Variants in CDON observed in about 807,000 individuals in gnomAD.
The protein encoded by CDON is cell adhesion associated, oncogene regulated, also known as cell adhesion molecule-related/down-regulated by oncogenes.
In CDON, 73 loss-of-function variants were observed where a neutral mutation model predicts 120.9. That is an observed-to-expected ratio of 0.60 (90% CI 0.50 to 0.73). The LOEUF (loss-of-function observed/expected upper bound fraction) is 0.73. Ranked by LOEUF, CDON falls within the 30% of genes least tolerant of loss-of-function variation. CDON has a pLI of 0.00. For missense variants in CDON, 1,470 were observed against 1,587.3 expected (o/e 0.93, Z 1.26); for synonymous variants, 566 against 573.5 (o/e 0.99, Z 0.19).
intron 18 of CDON, among the ~76,000 whole-genome samples, chr11:125,969,059 C>CGT (rs1215304323): frequency 1.3e-5 from 2 of 152,158 alleles, no homozygotes; most frequent in Non-Finnish European, 2.9e-5. Flanking sequence ...AGTGCAATGG[C>CGT]GTGATCTCAG....
intron 18 of CDON, among the ~76,000 whole-genome samples, chr11:125,963,831 T>G (rs1591541384): frequency 6.6e-6 from 1 of 152,306 alleles, no homozygotes; most frequent in Non-Finnish European, 1.5e-5. Flanking sequence ...GATTTAGATG[T>G]AACCTATGTG....
rs557057769 is a variant in CDON, at chr11:126,056,898, T to C, written c.-62+5681A>G. On this transcript the variant is annotated intron_variant, in intron 1 of 19. Transcript: ENST00000531738. ...TTTTTTCTTCAGAAAAGCATTGTAC[T>C]GTTTCATTTTAAACTCAAAGAATAT... 6.6e-5 allele frequency among the ~76,000 whole-genome samples: 10 copies of C among 152,350 alleles called. No homozygotes were observed. In the South Asian group the frequency reaches 1.9e-3, roughly 28 times the overall value.
In CDON at chr11:126,005,869, T is replaced by C. The variant is rs141782811; in HGVS notation, c.1741A>G (p.Ile581Val). The change falls in exon 9 of 20, where the codon ATC becomes GTC. Residue 581 changes from isoleucine (I) to valine (V), a missense_variant. Ile to Val is a conservative substitution (Grantham distance 29). Coordinates refer to ENST00000531738, the MANE Select transcript of CDON (RefSeq NM_001378964.1). ...TGGGTCTGTGGGGGGCTCAGTATGATGGGGGCATCAGGAACAGAGATGCCG... is the reference window on the plus strand; with the variant it reads ...TGGGTCTGTGGGGGGCTCAGTATGACGGGGGCATCAGGAACAGAGATGCCG... ...ASGISVPDAP[I>V]ILSPPQTHTP... 6.2e-7 allele frequency: 1 copy of C among 1,614,116 alleles called. No individual in the cohort carries two copies.
chr11:126,003,116 ATC>A (rs1947003525), intron 10 of CDON, among the ~76,000 whole-genome samples: 1 of 152,040 alleles, frequency 6.6e-6, no homozygotes, highest in African/African-American at 2.4e-5. Flanking sequence ...CCTAACTTAT[ATC>A]TCTGTTAACA....
rs1406987164 is a variant in CDON at position 126,015,471 on chromosome 11, A to G, written c.968T>C (p.Val323Ala). ...SISKGLQDQI[V>A]SLGATVHFTC... ...AAAGTGTACTGTGGCACCCAGAGAC[A>G]CTATCTGATCCTGTAGTCCTTTAGA... The change falls in exon 7 of 20, where the codon GTG (valine) becomes GCG (alanine). Residue 323 changes from valine (V) to alanine (A), a missense_variant. Val to Ala is a moderately conservative substitution (Grantham distance 64, BLOSUM62 0). Coordinates refer to ENST00000531738, the MANE Select transcript of CDON (RefSeq NM_001378964.1). The G allele has an allele frequency of 1.2e-6, 2 of 1,613,960 alleles. No individual in the cohort carries two copies. Among genetic ancestry groups the G allele is most frequent in the Non-Finnish European group, 1.7e-6 (2 of 1,179,954 alleles).
intron 17 of CDON, among the ~76,000 whole-genome samples, chr11:125,979,537 C>T (rs936144618): frequency 6.6e-6 from 1 of 152,112 alleles, no homozygotes; most frequent in African/African-American, 2.4e-5. Context: ...TTCTCTATTT[C>T]CCCCACCCAG....
chr11:126,050,524 AC>A, intron 1 of CDON, among the ~76,000 whole-genome samples: 1 of 151,486 alleles, frequency 6.6e-6, no homozygotes, highest in Admixed American at 6.6e-5. Flanking sequence ...ACACACACAC[AC>A]ACACACAAAC....
chr11:126,023,164 A>G (rs1167358575), intron 2 of CDON, among the ~76,000 whole-genome samples: 4 of 151,704 alleles, frequency 2.6e-5, no homozygotes, highest in African/African-American at 9.7e-5. Context: ...TTTTTAAAAA[A>G]TGAAAGGGAT....
chr11:126,015,469 A>G lies in CDON; in HGVS notation c.970T>C (p.Ser324Pro), dbSNP rs2134660391. The G allele has an allele frequency of 6.2e-7, 1 of 1,614,070 alleles. No homozygotes were observed. The highest frequency in any genetic ancestry group is 1.7e-4 in the Middle Eastern group (1 of 6,058). The change falls in exon 7 of 20, where the codon TCT (serine) becomes CCT (proline). Residue 324 changes from serine (S) to proline (P), a missense_variant. Physicochemically the swap from Ser to Pro is moderately conservative, Grantham distance 74 (BLOSUM62 -1). Coordinates refer to ENST00000531738, the MANE Select transcript of CDON (RefSeq NM_001378964.1). ...ISKGLQDQIV[S>P]LGATVHFTCD... ...GTAAAGTGTACTGTGGCACCCAGAG[A>G]CACTATCTGATCCTGTAGTCCTTTA... is the stretch of plus-strand genomic sequence containing the variant.
intron 9 of CDON, chr11:126,004,351 G>A (rs1257205766): frequency 4.4e-6 from 2 of 452,620 alleles, no homozygotes; most frequent in Non-Finnish European, 8.1e-6. Context: ...CCCAGACTCT[G>A]TTTCCTTTAC....
chr11:125,999,547 T>G (rs140328890), intron 11 of CDON, among the ~76,000 whole-genome samples: 51 of 152,334 alleles, frequency 3.3e-4, no homozygotes, highest in African/African-American at 1.1e-3. Flanking sequence ...TTGTGGTTAT[T>G]TCTTCTTGGA....
chr11:126,025,937 G>A (rs1371487225), intron 1 of CDON, among the ~76,000 whole-genome samples: 1 of 152,040 alleles, frequency 6.6e-6, no homozygotes, highest in Non-Finnish European at 1.5e-5. Context: ...TCTCTTCTAT[G>A]CTACCTCTAC....
At position 126,006,063 on chromosome 11, in the gene CDON, G is replaced by A. The variant is rs770963046; in HGVS notation, c.1553-6C>T. On this transcript the variant is annotated splice_polypyrimidine_tract_variant and splice_region_variant and intron_variant, in intron 8 of 19. Coordinates refer to ENST00000531738, the MANE Select transcript of CDON (RefSeq NM_001378964.1). ...TGTATTTGTTTCAAAAGGAACTGCAGGGAGAGAGAGAGGAGACAGCTTGAA... is the reference window on the plus strand; with the variant it reads ...TGTATTTGTTTCAAAAGGAACTGCAAGGAGAGAGAGAGGAGACAGCTTGAA... The A allele has an allele frequency of 6.2e-7, 1 of 1,613,188 alleles. No individual in the cohort carries two copies. The highest frequency in any genetic ancestry group is 8.5e-7 in the Non-Finnish European group (1 of 1,179,674).
At chr11:126,035,539 C>T (rs1005720755) in intron 1 of CDON, among the ~76,000 whole-genome samples, 1 of 152,072 alleles carries the variant, frequency 6.6e-6, no homozygotes, top group African/African-American at 2.4e-5. Context: ...GTCATCCTAC[C>T]ATGGAAGAGA....
At chr11:125,990,380 C>T (rs1946602661) in intron 14 of CDON, among the ~76,000 whole-genome samples, 1 of 152,210 alleles carries the variant, frequency 6.6e-6, no homozygotes, top group South Asian at 2.1e-4. Flanking sequence ...CTCCAAACCA[C>T]ACAAGTATCT....
chr11:125,992,117 T>C (rs1037112485), intron 14 of CDON, among the ~76,000 whole-genome samples: 3 of 152,226 alleles, frequency 2.0e-5, no homozygotes, highest in Admixed American at 6.5e-5. Context: ...TTAGAACCAT[T>C]TTATGGCAAA....
chr11:125,992,953 T>C (rs1354929904), intron 14 of CDON, among the ~76,000 whole-genome samples: 2 of 152,182 alleles, frequency 1.3e-5, no homozygotes, highest in Non-Finnish European at 2.9e-5. Flanking sequence ...CCTTCCAAGA[T>C]GTCACTGAGA....
rs1408709065 is a variant in CDON, at chr11:125,959,735, A to C, written c.*1207T>G. On this transcript the variant is annotated 3_prime_UTR_variant, in exon 20 of 20. Coordinates refer to ENST00000531738, the MANE Select transcript of CDON (RefSeq NM_001378964.1). ...GGATGACTAGTTTCGGCGTCATGGC[A>C]CCATAAGCGTGTCCCTGTGCTAATC... 6.6e-6 allele frequency: 1 copy of C among 152,102 alleles called. No homozygotes were observed. The highest frequency in any genetic ancestry group is 1.9e-4 in the East Asian group (1 of 5,188). The allele number at this position is 152,102 out of a possible 1,614,324, so 9.4% of individuals were successfully genotyped here. A position where few individuals can be genotyped will look rare whatever the true frequency, so the allele number is the denominator to read the frequency against.
intron 1 of CDON, among the ~76,000 whole-genome samples, chr11:126,048,470 T>C (rs963103602): frequency 6.6e-6 from 1 of 152,052 alleles, no homozygotes; most frequent in African/African-American, 2.4e-5. Context: ...ACCCCAGATA[T>C]GCTATTACAA....
Sources: allele counts gnomAD v4.1 joint callset (sites outside exome capture counted in the v4.1 genomes callset), GRCh38; gene constraint gnomAD v4.1.1; transcripts MANE v1.5; gene names NCBI Gene and HGNC (gene_info 2026-07-23, HGNC 2026-07-21).